Variants in DNAH5 observed in about 807,000 individuals in gnomAD.
DNAH5 encodes dynein axonemal heavy chain 5.
DNAH5 carries 372 observed loss-of-function variants against 518.2 expected under a neutral mutation model. That is an observed-to-expected ratio of 0.72 (90% CI 0.66 to 0.78). The LOEUF (loss-of-function observed/expected upper bound fraction) is 0.78. Among genes scored for constraint, DNAH5 ranks in the 30% least tolerant of loss-of-function variants. The pLI, the probability that DNAH5 is intolerant of heterozygous loss-of-function variation, is 0.00. For synonymous variants in DNAH5, 2,039 were observed against 2,025.9 expected, an observed-to-expected ratio of 1.01 and a Z score of -0.17; for missense variants, 5,523 against 5,687.0, an observed-to-expected ratio of 0.97 and a Z score of 0.93.
At chr5:13,743,524 G>A (rs1288247089) in intron 65 of DNAH5, among the ~76,000 whole-genome samples, 2 of 151,956 alleles carry the variant, frequency 1.3e-5, no homozygotes, top group Non-Finnish European at 2.9e-5. Flanking sequence ...AATCAACAGA[G>A]TGAAAAGATA....
intron 62 of DNAH5, among the ~76,000 whole-genome samples, chr5:13,753,883 A>G (rs1276663488): frequency 1.3e-5 from 2 of 152,152 alleles, no homozygotes; most frequent in Admixed American, 6.5e-5. Flanking sequence ...CAATATACCC[A>G]TGCACTCACA....
At chr5:13,851,135 T>C (rs1160226752) in intron 30 of DNAH5, among the ~76,000 whole-genome samples, 1 of 152,230 alleles carries the variant, frequency 6.6e-6, no homozygotes, top group Admixed American at 6.5e-5. Flanking sequence ...TCACAGGTTA[T>C]CTCTAAATGA....
intron 38 of DNAH5, 42 bp downstream of exon 38, chr5:13,829,468 A>C (rs761221664): frequency 6.3e-7 from 1 of 1,599,390 alleles, no homozygotes; most frequent in Admixed American, 1.7e-5. Flanking sequence ...GAATAGAAAA[A>C]TGAAACATGC....
At position 13,829,450 on chromosome 5, in the gene DNAH5, A is replaced by G. The variant is rs145516591; in HGVS notation, c.6444+60T>C. On this transcript the variant is annotated intron_variant, in intron 38 of 78. Transcript: ENST00000265104. The stretch of plus-strand genomic sequence containing the variant: ...GTCTAGAATTTCTCAAAATGAGAAC[A>G]TTCTGCTGAATAGAAAAATGAAACA... 2.6e-6 allele frequency: 4 copies of G among 1,566,066 alleles called. No homozygotes were observed. In the East Asian group the frequency reaches 6.7e-5, roughly 26 times the overall value.
At chr5:13,947,105 G>A (rs1296575596), upstream of DNAH5, among the ~76,000 whole-genome samples, 2 of 152,116 alleles carry the variant, frequency 1.3e-5, no homozygotes, top group Admixed American at 6.5e-5. Flanking sequence ...TTTACTGGGG[G>A]TAGATATTAA....
At chr5:13,857,231 G>C (rs7715237) in intron 30 of DNAH5, among the ~76,000 whole-genome samples, 57,617 of 151,968 alleles carry the variant, frequency 0.38, 11,165 homozygotes, top group South Asian at 0.47. Context: ...GACAAACAGA[G>C]AGCCAAATCG....
intron 76 of DNAH5, among the ~76,000 whole-genome samples, chr5:13,704,113 T>C (rs1742475078): frequency 6.6e-6 from 1 of 152,114 alleles, no homozygotes. Flanking sequence ...GGAAGTAGGG[T>C]GCAGCTATAA....
At chr5:13,744,973 G>C (rs867318543) in intron 65 of DNAH5, among the ~76,000 whole-genome samples, 56 of 152,154 alleles carry the variant, frequency 3.7e-4, no homozygotes, top group African/African-American at 9.4e-4. Flanking sequence ...AACGATGTCT[G>C]TTTAATGTCC....
At chr5:13,966,327 G>A (rs770206481) in intron 1 of DNAH5, among the ~76,000 whole-genome samples, 2 of 152,166 alleles carry the variant, frequency 1.3e-5, no homozygotes, top group East Asian at 1.9e-4. Context: ...AAACATCTGT[G>A]TGCAAGTATC....
At chr5:13,979,964 C>T (rs1037393122) in intron 1 of DNAH5, among the ~76,000 whole-genome samples, 62 of 151,738 alleles carry the variant, frequency 4.1e-4, no homozygotes, top group African/African-American at 1.4e-3. Context: ...CTCAGCCTCC[C>T]GAGCAGCTGG....
intron 68 of DNAH5, among the ~76,000 whole-genome samples, chr5:13,732,547 T>C (rs1746751988): frequency 6.6e-6 from 1 of 152,132 alleles, no homozygotes; most frequent in African/African-American, 2.4e-5. Context: ...TTTTTGTATT[T>C]TAGTAGAGAC....
At chr5:13,713,434 C>CAT (rs200836910) in intron 75 of DNAH5, among the ~76,000 whole-genome samples, 5,044 of 70,428 alleles carry the variant, frequency 0.072, 294 homozygotes, top group Middle Eastern at 0.11. Context: ...TATACATCGA[C>CAT]ATATATATAT....
At chr5:13,993,458 A>T (rs1168257710) in intron 1 of DNAH5, among the ~76,000 whole-genome samples, 1 of 152,224 alleles carries the variant, frequency 6.6e-6, no homozygotes, top group Admixed American at 6.5e-5. Context: ...CCAGCTAACA[A>T]AAAAACTCAT....
At position 13,787,872 on chromosome 5, in the gene DNAH5, A is replaced by G. The variant is rs1009113988; in HGVS notation, c.8647+844T>C. Among the ~76,000 whole-genome samples the G allele has an allele frequency of 3.3e-5, 5 of 152,330 alleles. No homozygotes were observed. The South Asian group carries it at 1.0e-3, about 32-fold the overall frequency. On this transcript the variant is annotated intron_variant, in intron 51 of 78. Transcript: ENST00000265104. ...GATAGTTCACATTTACAGTTATCAA[A>G]TCTAGAGAAGCACTGCCTAGTCATT...
chr5:13,945,607 T>G (rs188352695), upstream of DNAH5, among the ~76,000 whole-genome samples: 335 of 152,202 alleles, frequency 2.2e-3, no homozygotes, highest in Admixed American at 8.1e-3. Flanking sequence ...TGCAGGATTT[T>G]TTTTTTCTTT....
intron 7 of DNAH5, 94 bp from the exon 8 acceptor site, chr5:13,917,350 C>T (rs540075988): frequency 1.4e-4 from 118 of 873,178 alleles, no homozygotes; most frequent in South Asian, 1.0e-3. Context: ...GTCCATTAGG[C>T]GAGACCTTCT....
At chr5:14,004,881 T>C (rs1453502798) in intron 1 of DNAH5, among the ~76,000 whole-genome samples, 2 of 150,328 alleles carry the variant, frequency 1.3e-5, no homozygotes, top group Non-Finnish European at 3.0e-5. Context: ...CTTTATTATT[T>C]TCTTCCTTAG....
At position 13,864,467 on chromosome 5, in the gene DNAH5, A is replaced by G. The variant is rs1315064736; in HGVS notation, c.4526T>C (p.Val1509Ala). The G allele has an allele frequency of 6.2e-7, 1 of 1,614,066 alleles. No homozygotes were observed. The highest frequency in any genetic ancestry group is 2.2e-5 in the East Asian group (1 of 44,882). Residue 1509 changes from valine (V) to alanine (A), a missense_variant, in exon 28 of 79, where the codon GTG (valine) becomes GCG (alanine). This residue lies in a region of DNAH5 where 5,121 missense variants were observed against 5,223.3 expected (regional missense o/e 0.98). Coordinates refer to ENST00000265104, the MANE Select transcript of DNAH5 (RefSeq NM_001369.3). ...TCTTAACTTAAAGCTTTCATTCCCC[A>G]CATCCAGACTGTGCCCGGTGAGGGT... ...ITTLTGHSLD[V>A]GNESFKLRNI...
At chr5:13,784,889 T>TA (rs1372071889) in intron 52 of DNAH5, among the ~76,000 whole-genome samples, 1 of 152,158 alleles carries the variant, frequency 6.6e-6, no homozygotes, top group Non-Finnish European at 1.5e-5. Context: ...TCAACTGTCC[T>TA]AAAAATGGAT....
Sources: allele counts gnomAD v4.1 joint callset (sites outside exome capture counted in the v4.1 genomes callset), GRCh38; gene constraint gnomAD v4.1.1; regional missense constraint gnomAD v4.1.1; transcripts MANE v1.5; gene names NCBI Gene and HGNC (gene_info 2026-07-23, HGNC 2026-07-21).